CARMIL1: variants seen among roughly 807,000 people sequenced by gnomAD.
CARMIL1 encodes the protein capping protein regulator and myosin 1 linker 1.
CARMIL1 carries 90 observed loss-of-function variants against 177.1 expected under a neutral mutation model. The observed-to-expected ratio is 0.51, with a 90% CI of 0.43 to 0.61. The LOEUF (loss-of-function observed/expected upper bound fraction) is 0.61, where lower values mean the gene tolerates loss of function less well. Among genes scored for constraint, CARMIL1 ranks in the 20% least tolerant of loss-of-function variants. The pLI is 0.00. For missense variants in CARMIL1, 1,380 were observed against 1,667.0 expected (o/e 0.83, Z 3.00); for synonymous variants, 577 against 606.2 (o/e 0.95, Z 0.71).
intron 18 of CARMIL1, 124 bp from the exon 19 acceptor site, chr6:25,510,383 C>A: frequency 1.7e-6 from 1 of 582,628 alleles, no homozygotes. Flanking sequence ...ATTAGAATCC[C>A]AGGCCCCTCA....
At chr6:25,337,901 G>A (rs543027731) in intron 2 of CARMIL1, among the ~76,000 whole-genome samples, 34 of 152,298 alleles carry the variant, frequency 2.2e-4, no homozygotes, top group Middle Eastern at 3.4e-3. Context: ...TAGTGGCCGG[G>A]CATGGTGGGC....
intron 2 of CARMIL1, among the ~76,000 whole-genome samples, chr6:25,303,281 A>G (rs1325241902): frequency 1.3e-5 from 2 of 152,230 alleles, no homozygotes; most frequent in Non-Finnish European, 2.9e-5. Flanking sequence ...ACTGTCACCT[A>G]ACATTTCCTC....
chr6:25,517,360 G>T lies in CARMIL1; in HGVS notation c.1819G>T (p.Asp607Tyr). ...ATTTTCAAACAGGACTGTAATATGG[G>T]ACAAGAACAACATCACTGCACAAGG... is the stretch of plus-strand genomic sequence containing the variant. ...INTKLRTVIW[D>Y]KNNITAQGFQ... The change falls in exon 22 of 37, where the codon GAC becomes TAC. Residue 607 changes from aspartate (D) to tyrosine (Y), a missense_variant. By Grantham distance (160) the Asp-to-Tyr change is radical (BLOSUM62 -3). Coordinates refer to ENST00000329474, the MANE Select transcript of CARMIL1 (RefSeq NM_017640.6). 2 of 1,613,100 alleles carry T rather than the reference G, an allele frequency of 1.2e-6. No individual in the cohort carries two copies. Among genetic ancestry groups the T allele is most frequent in the South Asian group, 2.2e-5 (2 of 91,052 alleles).
intron 2 of CARMIL1, among the ~76,000 whole-genome samples, chr6:25,334,820 A>G (rs76848482): frequency 0.019 from 2,942 of 152,290 alleles, 97 homozygotes; most frequent in South Asian, 0.14. Flanking sequence ...TAAGGGATGC[A>G]ATTTGCTGGC....
At chr6:25,334,704 A>G (rs1020160852) in intron 2 of CARMIL1, among the ~76,000 whole-genome samples, 2 of 152,136 alleles carry the variant, frequency 1.3e-5, no homozygotes, top group African/African-American at 4.8e-5. Flanking sequence ...ATTTCTTTTA[A>G]AAAAGTCTTA....
Position 25,605,783 on chromosome 6 carries a change from C to T in CARMIL1, c.3635-278C>T, listed in dbSNP as rs566443819. Among the ~76,000 whole-genome samples the T allele has an allele frequency of 3.3e-5, 5 of 152,284 alleles. No individual in the cohort carries two copies. The East Asian group carries it at 7.7e-4, about 23-fold the overall frequency. ...GTTTTCCTTGTATGTGATTACGGCA[C>T]TGTACATTATTAAATATAAAAGCTT... On this transcript the variant is annotated intron_variant, in intron 34 of 36. Transcript: ENST00000329474.
chr6:25,487,064 C>T (rs537299557), intron 12 of CARMIL1, among the ~76,000 whole-genome samples: 90 of 152,268 alleles, frequency 5.9e-4, no homozygotes, highest in African/African-American at 2.0e-3. Context: ...TTCGAAGTCT[C>T]GGTCTCCTGT....
At chr6:25,576,333 A>G (rs887270378) in intron 29 of CARMIL1, among the ~76,000 whole-genome samples, 6 of 152,196 alleles carry the variant, frequency 3.9e-5, no homozygotes, top group Admixed American at 3.3e-4. Flanking sequence ...CTAAGGTATA[A>G]GGTATCATCA....
intron 31 of CARMIL1, among the ~76,000 whole-genome samples, chr6:25,584,508 C>T (rs1813458275): frequency 6.6e-6 from 1 of 150,924 alleles, no homozygotes; most frequent in Middle Eastern, 3.4e-3. Context: ...CAGAGAAAAG[C>T]ATAAGAGAAT....
rs301379 is a variant in CARMIL1, at chr6:25,515,898, C to T, written c.1805+51C>T. On this transcript the variant is annotated intron_variant, in intron 21 of 36. Transcript: ENST00000329474. This position sits in a 1 kb window ranked among gnomAD's most constrained non-coding sequence, Gnocchi z 5.0. ...CATGAGGAAGGCTTGGAGCAGATTCCGAACAGCAAGCATTGCAGAGCTGCT... is the reference window on the plus strand; with the variant it reads ...CATGAGGAAGGCTTGGAGCAGATTCTGAACAGCAAGCATTGCAGAGCTGCT... 628,075 of 1,525,878 alleles carry T rather than the reference C, an allele frequency of 0.41. 132,702 individuals are homozygous for T. Among genetic ancestry groups the T allele is most frequent in the Middle Eastern group, 0.52 (2,816 of 5,372 alleles). 94.5% of individuals were successfully genotyped at this position (1,525,878 alleles called of 1,614,324 possible).
chr6:25,374,171 C>T (rs552865708), intron 2 of CARMIL1, among the ~76,000 whole-genome samples: 65 of 152,138 alleles, frequency 4.3e-4, no homozygotes, highest in Admixed American at 7.9e-4. Flanking sequence ...GCATTTAGTG[C>T]TATAAACTTA....
intron 2 of CARMIL1, among the ~76,000 whole-genome samples, chr6:25,296,924 TCTATCTATCTTTAAC>T (rs1782420690): frequency 3.1e-5 from 2 of 64,476 alleles, no homozygotes; most frequent in East Asian, 1.1e-3. Context: ...TATCTATCTA[TCTATCTATCTTTAAC>T]TAACTAACTA....
chr6:25,303,278 C>T (rs1005236628), intron 2 of CARMIL1, among the ~76,000 whole-genome samples: 3 of 152,116 alleles, frequency 2.0e-5, no homozygotes, highest in Non-Finnish European at 2.9e-5. Flanking sequence ...AAAACTGTCA[C>T]CTAACATTTC....
At chr6:25,601,564 C>A (rs980165660) in intron 33 of CARMIL1, among the ~76,000 whole-genome samples, 3 of 152,178 alleles carry the variant, frequency 2.0e-5, no homozygotes, top group Non-Finnish European at 4.4e-5. Context: ...AAATTATTCT[C>A]TTTTTAAACC....
rs146098048 is a variant in CARMIL1 at position 25,475,113 on chromosome 6, A to G, written c.874+2592A>G. Among the ~76,000 whole-genome samples the G allele has an allele frequency of 4.7e-3, 709 of 152,358 alleles. 22 individuals carry two copies. The highest frequency in any genetic ancestry group is 0.04 in the Admixed American group (611 of 15,312). On this transcript the variant is annotated intron_variant, in intron 11 of 36. Coordinates refer to ENST00000329474, the MANE Select transcript of CARMIL1 (RefSeq NM_017640.6). ...AAAACATGTTAGATAGTTTCTTAAA[A>G]AGTTAAACTTGGCTGGGCGTGGTGG...
chr6:25,389,669 AGTTGT>A (rs1255182272), intron 2 of CARMIL1, among the ~76,000 whole-genome samples: 3 of 152,242 alleles, frequency 2.0e-5, no homozygotes, highest in African/African-American at 7.2e-5. Flanking sequence ...AAAAGCAATG[AGTTGT>A]TTCTGCCCAG....
intron 31 of CARMIL1, among the ~76,000 whole-genome samples, chr6:25,589,645 ACT>A (rs975214967): frequency 3.3e-5 from 5 of 151,678 alleles, no homozygotes; most frequent in Non-Finnish European, 7.4e-5. Context: ...GCACCACCAC[ACT>A]CTGCTAATTT....
At chr6:25,296,935 T>TTAAC (rs5875025) in intron 2 of CARMIL1, among the ~76,000 whole-genome samples, 8,474 of 136,294 alleles carry the variant, frequency 0.062, 358 homozygotes, top group Non-Finnish European at 0.092. Flanking sequence ...CTATCTATCT[T>TTAAC]TAACTAACTA....
chr6:25,476,942 A>G (rs1247473260), intron 11 of CARMIL1, among the ~76,000 whole-genome samples: 1 of 151,954 alleles, frequency 6.6e-6, no homozygotes, highest in African/African-American at 2.4e-5. Flanking sequence ...TACAAACATT[A>G]GCTGGGTGTG....
Sources: allele counts gnomAD v4.1 joint callset (sites outside exome capture counted in the v4.1 genomes callset), GRCh38; gene constraint gnomAD v4.1.1; non-coding constraint Gnocchi (gnomAD v3.1); transcripts MANE v1.5; gene names NCBI Gene and HGNC (gene_info 2026-07-23, HGNC 2026-07-21).